The following FAM118B variants were observed in gnomAD, a reference collection of about 807,000 sequenced individuals.
FAM118B encodes the protein SIR2 antiphage like 1.
In FAM118B, 24 loss-of-function variants were observed where a neutral mutation model predicts 38.5. The observed-to-expected ratio is 0.62, with a 90% CI of 0.45 to 0.88. The LOEUF (loss-of-function observed/expected upper bound fraction) is 0.88. Ranked by LOEUF, FAM118B falls within the 40% of genes least tolerant of loss-of-function variation. FAM118B has a pLI of 0.00. For synonymous variants in FAM118B, 138 were observed against 156.3 expected, an observed-to-expected ratio of 0.88 and a Z score of 0.87; for missense variants, 334 against 420.0, an observed-to-expected ratio of 0.80 and a Z score of 1.79.
chr11:126,256,709 GA>G lies in FAM118B; in HGVS notation c.840del (p.Gly281GlufsTer3). The G allele has an allele frequency of 1.2e-6, 2 of 1,614,202 alleles. No individual in the cohort carries two copies. The highest frequency in any genetic ancestry group is 1.1e-5 in the South Asian group (1 of 91,084). On this transcript the variant is annotated frameshift_variant, in exon 7 of 9. Transcript: ENST00000533050. LOFTEE classifies it high-confidence loss of function. This position sits in a 1 kb window ranked among gnomAD's most constrained non-coding sequence, Gnocchi z 6.6. The stretch of plus-strand genomic sequence containing the variant: ...CTAGAACATTTCATGCTGGTTCGGA[GA>G]GGAGACGTAGATGAGTTCAAAAAGC... ...SDLEHFMLVR[R>X]GDVDEFKKLR... is the part of the protein sequence containing the mutation.
At chr11:126,217,712 T>C (rs1949998808) in intron 1 of FAM118B, among the ~76,000 whole-genome samples, 1 of 152,240 alleles carries the variant, frequency 6.6e-6, no homozygotes, top group South Asian at 2.1e-4. Context: ...AACCGTATCT[T>C]CCTCTTTCTG....
chr11:126,235,153 C>T (rs1316368656), intron 3 of FAM118B, 66 bp downstream of exon 3: 1 of 1,275,484 alleles, frequency 7.8e-7, no homozygotes, highest in Non-Finnish European at 1.1e-6. Context: ...AAATAGCCAA[C>T]TTATACCTTC....
chr11:126,233,803 C>T (rs1950237659), intron 2 of FAM118B: 5 of 449,434 alleles, frequency 1.1e-5, no homozygotes, highest in Admixed American at 7.3e-5. Flanking sequence ...CTTTTTTGGG[C>T]TGGGTGCAGT....
intron 4 of FAM118B, among the ~76,000 whole-genome samples, chr11:126,242,311 C>T (rs1006411702): frequency 3.9e-5 from 6 of 152,060 alleles, no homozygotes; most frequent in East Asian, 1.9e-4. Flanking sequence ...GAAAGTGAGC[C>T]GGGGATGGTG....
At chr11:126,214,527 T>TTTTTTA (rs1949954178) in intron 1 of FAM118B, 2 of 123,320 alleles carry the variant, frequency 1.6e-5, no homozygotes, top group Non-Finnish European at 3.3e-5. Context: ...TTTTTTTTTT[T>TTTTTTA]ACCTCTATAT....
chr11:126,241,130 C>G, intron 4 of FAM118B, 86 bp downstream of exon 4: 1 of 1,354,124 alleles, frequency 7.4e-7, no homozygotes, highest in Non-Finnish European at 1.0e-6. Flanking sequence ...TCAAAACTAG[C>G]ATGCCAAATG....
chr11:126,249,556 C>T (rs538251299), intron 4 of FAM118B, among the ~76,000 whole-genome samples: 57 of 151,916 alleles, frequency 3.8e-4, no homozygotes, highest in African/African-American at 1.3e-3. Context: ...GATGGTGAAA[C>T]CCCGTCTCTA....
At position 126,250,962 on chromosome 11, in the gene FAM118B, A is replaced by G. The variant is rs556718191; in HGVS notation, c.567+229A>G. Among the ~76,000 whole-genome samples the G allele has an allele frequency of 6.6e-6, 1 of 152,320 alleles. No homozygotes were observed. Among genetic ancestry groups the G allele is most frequent in the African/African-American group, 2.4e-5 (1 of 41,568 alleles). On this transcript the variant is annotated intron_variant, in intron 5 of 8. Coordinates refer to ENST00000533050, the MANE Select transcript of FAM118B (RefSeq NM_024556.4). This position sits in a 1 kb window ranked among gnomAD's most constrained non-coding sequence, Gnocchi z 5.1. ...CAGTTCTATGACTCTTGACAATTTC[A>G]TCCAGTTTTAAAGCAAGATTAGAGG...
At chr11:126,251,755 C>A (rs1950507355) in intron 5 of FAM118B, among the ~76,000 whole-genome samples, 1 of 142,492 alleles carries the variant, frequency 7.0e-6, no homozygotes, top group Non-Finnish European at 1.5e-5. Context: ...TTTTGAGAGA[C>A]AGTTTCGCTC....
At chr11:126,229,539 T>C (rs1201615396) in intron 2 of FAM118B, among the ~76,000 whole-genome samples, 1 of 152,018 alleles carries the variant, frequency 6.6e-6, no homozygotes, top group East Asian at 1.9e-4. Flanking sequence ...GCCTCCCAGG[T>C]TCAAGCGACT....
rs1950565212 is a variant in FAM118B, at chr11:126,255,546, TC to T, written c.697-1019del. 6.6e-6 allele frequency among the ~76,000 whole-genome samples: 1 copy of T among 152,052 alleles called. No individual in the cohort carries two copies. Among genetic ancestry groups the T allele is most frequent in the African/African-American group, 2.4e-5 (1 of 41,384 alleles). On this transcript the variant is annotated intron_variant, in intron 6 of 8. Coordinates refer to ENST00000533050, the MANE Select transcript of FAM118B (RefSeq NM_024556.4). The surrounding 1 kb of genome is among the most constrained non-coding windows in gnomAD (Gnocchi z 4.6). ...TATCAAACGCCTTTCCTTGAGCAAA[TC>T]CGATGATGGAATTATCTTCTCTGGT... is the stretch of plus-strand genomic sequence containing the variant.
rs1160370447 is a variant in FAM118B at position 126,262,770 on chromosome 11, G to C, written c.*637G>C. The stretch of plus-strand genomic sequence containing the variant: ...GGTTCCGATCTTTCTCCTTGGGGTG[G>C]AGTGATCTCATTCTCAGGACAACCG... On this transcript the variant is annotated 3_prime_UTR_variant, in exon 9 of 9. Coordinates refer to ENST00000533050, the MANE Select transcript of FAM118B (RefSeq NM_024556.4). 1 of 152,490 alleles carries C rather than the reference G, an allele frequency of 6.6e-6. No individual in the cohort carries two copies. Among genetic ancestry groups the C allele is most frequent in the African/African-American group, 2.4e-5 (1 of 41,432 alleles). The allele number at this position is 152,490 out of a possible 1,614,324, so 9.4% of individuals were successfully genotyped here. A position where few individuals can be genotyped will look rare whatever the true frequency, so the allele number is the denominator to read the frequency against.
chr11:126,261,613 G>C, intron 8 of FAM118B, 129 bp downstream of exon 8: 1 of 680,084 alleles, frequency 1.5e-6, no homozygotes, highest in Non-Finnish European at 2.5e-6. Context: ...TGTAGAGAAT[G>C]ATTTTCCTCT....
rs1480005706 is a variant in FAM118B at position 126,252,205 on chromosome 11, T to G, written c.567+1472T>G. On this transcript the variant is annotated intron_variant, in intron 5 of 8. Coordinates refer to ENST00000533050, the MANE Select transcript of FAM118B (RefSeq NM_024556.4). This position sits in a 1 kb window ranked among gnomAD's most constrained non-coding sequence, Gnocchi z 4.7. ...TTTCACCATGTTGGCCAGGCTGGTC[T>G]CGAACTCCTGACCTCAGGTGATCTG... Among the ~76,000 whole-genome samples the G allele has an allele frequency of 2.0e-5, 3 of 152,120 alleles. No individual in the cohort carries two copies. The highest frequency in any genetic ancestry group is 7.2e-5 in the African/African-American group (3 of 41,406).
chr11:126,216,154 T>C (rs1949975536), intron 1 of FAM118B, among the ~76,000 whole-genome samples: 1 of 152,174 alleles, frequency 6.6e-6, no homozygotes, highest in African/African-American at 2.4e-5. Context: ...GGCAGGTGGA[T>C]TGCCTGAGGT....
At position 126,255,500 on chromosome 11, in the gene FAM118B, C is replaced by T. The variant is rs1029020469; in HGVS notation, c.696+1067C>T. Reference sequence around the variant, plus strand: ...GTGTGTGTATATGTATACACACACACACACATACTGATGTTCTAAGTATCA... The same window carrying T: ...GTGTGTGTATATGTATACACACACATACACATACTGATGTTCTAAGTATCA... On this transcript the variant is annotated intron_variant, in intron 6 of 8. Transcript: ENST00000533050. This position sits in a 1 kb window ranked among gnomAD's most constrained non-coding sequence, Gnocchi z 4.6. Among the ~76,000 whole-genome samples, 1 of 152,178 alleles carries T rather than the reference C, an allele frequency of 6.6e-6. No homozygotes were observed. The highest frequency in any genetic ancestry group is 6.5e-5 in the Admixed American group (1 of 15,280).
chr11:126,237,732 C>T (rs1383965678), intron 3 of FAM118B, among the ~76,000 whole-genome samples: 1 of 143,470 alleles, frequency 7.0e-6, no homozygotes, highest in Non-Finnish European at 1.5e-5. Flanking sequence ...TGGCGCGTGC[C>T]TGTAATCCCA....
intron 7 of FAM118B, 63 bp from the exon 8 acceptor site, chr11:126,261,357 GTTTTC>G: frequency 7.5e-7 from 1 of 1,338,818 alleles, no homozygotes; most frequent in Non-Finnish European, 1.1e-6. Context: ...TCTCCCTTTA[GTTTTC>G]TTTTTGCTAT....
intron 7 of FAM118B, among the ~76,000 whole-genome samples, chr11:126,258,807 C>T (rs148559109): frequency 2.2e-3 from 328 of 152,318 alleles, no homozygotes; most frequent in Non-Finnish European, 3.7e-3. Context: ...AATCCGTCTG[C>T]ATAACTGTTT....
Sources: allele counts gnomAD v4.1 joint callset (sites outside exome capture counted in the v4.1 genomes callset), GRCh38; gene constraint gnomAD v4.1.1; non-coding constraint Gnocchi (gnomAD v3.1); transcripts MANE v1.5; gene names NCBI Gene and HGNC (gene_info 2026-07-23, HGNC 2026-07-21).